The following AFG2A variants were observed in gnomAD, a reference collection of about 807,000 sequenced individuals.
The protein encoded by AFG2A is ATPase family gene 2 protein homolog A.
chr4:123,296,660 T>A, the AFG2A span, among the ~76,000 whole-genome samples: 1 of 151,944 alleles, frequency 6.6e-6, no homozygotes, highest in Non-Finnish European at 1.5e-5. Flanking sequence ...ACAAAATTGG[T>A]CATGAGTTGG....
the AFG2A span, chr4:122,934,422 T>C: frequency 1.2e-6 from 2 of 1,614,226 alleles, no homozygotes; most frequent in Non-Finnish European, 1.7e-6. Flanking sequence ...GCCCTGGAGA[T>C]GGCAGTGGAC....
At chr4:123,248,574 T>A in the AFG2A span, among the ~76,000 whole-genome samples, 1 of 152,186 alleles carries the variant, frequency 6.6e-6, no homozygotes, top group Non-Finnish European at 1.5e-5. Context: ...TAAGAGCTGA[T>A]CCCTCTATCA....
the AFG2A span, among the ~76,000 whole-genome samples, chr4:123,072,939 T>C: frequency 1.3e-5 from 2 of 152,140 alleles, no homozygotes; most frequent in Non-Finnish European, 2.9e-5. Flanking sequence ...CATTTTTTAA[T>C]TGACAAAAAT....
At chr4:123,081,823 TGATTTTGGCCATTCTA>T in the AFG2A span, among the ~76,000 whole-genome samples, 16 of 152,192 alleles carry the variant, frequency 1.1e-4, no homozygotes, top group Non-Finnish European at 2.1e-4. Flanking sequence ...GCAACTTTCC[TGATTTTGGCCATTCTA>T]GTGGGTGTGT....
the AFG2A span, among the ~76,000 whole-genome samples, chr4:123,264,175 A>C: frequency 1.3e-5 from 2 of 152,216 alleles, no homozygotes; most frequent in African/African-American, 4.8e-5. Context: ...ATGCAAAGGC[A>C]TAAGAATGAT....
At chr4:123,149,514 A>G in the AFG2A span, among the ~76,000 whole-genome samples, 1 of 152,182 alleles carries the variant, frequency 6.6e-6, no homozygotes, top group Admixed American at 6.5e-5. Context: ...GTTTGTCTAA[A>G]TCAGTGATTA....
the AFG2A span, among the ~76,000 whole-genome samples, chr4:123,293,898 C>T: frequency 1.3e-5 from 2 of 152,184 alleles, no homozygotes; most frequent in African/African-American, 4.8e-5. Context: ...TAAAATAAAG[C>T]ACACTTTATT....
chr4:122,923,234 G>A, the AFG2A span: 3 of 1,614,192 alleles, frequency 1.9e-6, no homozygotes, highest in East Asian at 2.2e-5. Context: ...GCGGAGGCAC[G>A]GGCTCCTTCT....
the AFG2A span, among the ~76,000 whole-genome samples, chr4:123,038,463 T>G: frequency 6.6e-6 from 1 of 152,148 alleles, no homozygotes; most frequent in African/African-American, 2.4e-5. Flanking sequence ...GTAATATTTA[T>G]CTTTGAAACT....
chr4:123,301,547 AAAAG>A, the AFG2A span, among the ~76,000 whole-genome samples: 1 of 152,206 alleles, frequency 6.6e-6, no homozygotes, highest in African/African-American at 2.4e-5. Flanking sequence ...GATGGGAAAA[AAAAG>A]AACTTTCTTC....
At chr4:123,050,343 ATGTT>A in the AFG2A span, among the ~76,000 whole-genome samples, 1 of 148,474 alleles carries the variant, frequency 6.7e-6, no homozygotes, top group African/African-American at 2.4e-5. Flanking sequence ...TTTAACTCCA[ATGTT>A]TGTTTGTTGA....
chr4:122,933,375 A>C, the AFG2A span: 1 of 1,266,032 alleles, frequency 7.9e-7, no homozygotes, highest in Non-Finnish European at 1.1e-6. Context: ...ATGTAATTTT[A>C]CATCACAGTT....
At chr4:123,077,389 TG>T in the AFG2A span, among the ~76,000 whole-genome samples, 9 of 152,154 alleles carry the variant, frequency 5.9e-5, no homozygotes, top group Non-Finnish European at 1.0e-4. Flanking sequence ...CTCTGTTACC[TG>T]CATGATGTCT....
At chr4:122,972,723 G>A in the AFG2A span, among the ~76,000 whole-genome samples, 1 of 151,678 alleles carries the variant, frequency 6.6e-6, no homozygotes, top group Non-Finnish European at 1.5e-5. Flanking sequence ...AAATATTTGT[G>A]TATTTCTTAG....
chr4:123,065,518 T>C, the AFG2A span, among the ~76,000 whole-genome samples: 9 of 152,208 alleles, frequency 5.9e-5, no homozygotes, highest in South Asian at 2.1e-4. Context: ...TTTTGCAAGA[T>C]ATTCTTAAAA....
chr4:123,059,911 T>C, the AFG2A span, among the ~76,000 whole-genome samples: 1 of 152,218 alleles, frequency 6.6e-6, no homozygotes, highest in South Asian at 2.1e-4. Flanking sequence ...CCAGTGATGG[T>C]GAGCATTTTT....
At chr4:123,133,400 A>C in the AFG2A span, among the ~76,000 whole-genome samples, 1 of 152,140 alleles carries the variant, frequency 6.6e-6, no homozygotes, top group African/African-American at 2.4e-5. Context: ...TCCTGTAACA[A>C]TCTGCAGTTT....
the AFG2A span, among the ~76,000 whole-genome samples, chr4:123,133,767 A>G: frequency 6.6e-6 from 1 of 152,194 alleles, no homozygotes. Context: ...GTGGATAAGG[A>G]TTCCCTAGTT....
chr4:122,923,334 G>A, the AFG2A span: 1 of 1,612,604 alleles, frequency 6.2e-7, no homozygotes, highest in Non-Finnish European at 8.5e-7. Context: ...GAGACTAGAG[G>A]CCGAGGGGGC....
Sources: allele counts gnomAD v4.1 joint callset (sites outside exome capture counted in the v4.1 genomes callset), GRCh38; gene constraint gnomAD v4.1.1; transcripts MANE v1.5; gene names NCBI Gene and HGNC (gene_info 2026-07-23, HGNC 2026-07-21).